Variants in B4GALT6 observed in about 807,000 individuals in gnomAD.
The protein encoded by B4GALT6 is UDP-Gal:beta-GlcNAc beta-1,4-galactosyltransferase 6.
Under a neutral mutation model 46.3 loss-of-function variants are expected in B4GALT6, and 14 were observed. The ratio of observed to expected loss-of-function variants is 0.30; its 90% CI spans 0.20 to 0.47. The LOEUF is 0.47. Ranked by LOEUF, B4GALT6 falls within the 20% of genes least tolerant of loss-of-function variation. The pLI, the probability that B4GALT6 is intolerant of heterozygous loss-of-function variation, is 0.99. For missense variants in B4GALT6, 386 were observed against 480.1 expected (o/e 0.80, Z 1.83); for synonymous variants, 168 against 162.0 (o/e 1.04, Z -0.28).
the B4GALT6 span, among the ~76,000 whole-genome samples, chr18:31,718,293 GC>G: frequency 2.0e-5 from 3 of 152,204 alleles, no homozygotes; most frequent in Admixed American, 6.5e-5. Context: ...CAGGGATGCT[GC>G]TGAACATCTT....
chr18:31,699,104 A>T, the B4GALT6 span, among the ~76,000 whole-genome samples: 1 of 151,870 alleles, frequency 6.6e-6, no homozygotes, highest in Non-Finnish European at 1.5e-5. Context: ...AGAAAGAAAG[A>T]AAAAGGAATT....
chr18:31,649,527 G>A (rs1201632959), intron 3 of B4GALT6, among the ~76,000 whole-genome samples: 44 of 106,576 alleles, frequency 4.1e-4, no homozygotes, highest in African/African-American at 1.4e-3. Context: ...AATCTATAAG[G>A]AATTTAAACA....
chr18:31,703,072 A>T, the B4GALT6 span, among the ~76,000 whole-genome samples: 4 of 152,166 alleles, frequency 2.6e-5, no homozygotes, highest in Non-Finnish European at 5.9e-5. Flanking sequence ...AATCTTTTGC[A>T]TGCATTATTC....
At chr18:31,626,916 G>T in intron 7 of B4GALT6, 83 bp downstream of exon 7, 1 of 1,183,682 alleles carries the variant, frequency 8.4e-7, no homozygotes, top group Non-Finnish European at 1.2e-6. Context: ...GAATGTTCTT[G>T]GAATGGATAA....
intron 1 of B4GALT6, 115 bp downstream of exon 1, chr18:31,684,197 G>A: frequency 4.7e-6 from 7 of 1,500,396 alleles, no homozygotes; most frequent in Non-Finnish European, 6.2e-6. Flanking sequence ...AAAACAAAAC[G>A]CTTTTCTGCG....
At chr18:31,715,902 A>G in the B4GALT6 span, among the ~76,000 whole-genome samples, 3 of 152,072 alleles carry the variant, frequency 2.0e-5, no homozygotes, top group East Asian at 5.8e-4. Flanking sequence ...ACATCAAGCT[A>G]CTCATGACTA....
chr18:31,640,492 T>C (rs1191472927), intron 4 of B4GALT6, among the ~76,000 whole-genome samples: 3 of 152,222 alleles, frequency 2.0e-5, no homozygotes, highest in Admixed American at 6.5e-5. Context: ...CCCATTCATT[T>C]TCCCTTAATG....
intron 6 of B4GALT6, among the ~76,000 whole-genome samples, chr18:31,629,163 A>T (rs887569034): frequency 6.6e-6 from 1 of 152,176 alleles, no homozygotes; most frequent in South Asian, 2.1e-4. Flanking sequence ...ATAACATACA[A>T]AATATGTGTT....
chr18:31,699,652 A>C, the B4GALT6 span, among the ~76,000 whole-genome samples: 23 of 151,378 alleles, frequency 1.5e-4, no homozygotes, highest in African/African-American at 4.4e-4. Flanking sequence ...AAAAAAAAAA[A>C]AAAAAACCTG....
chr18:31,710,652 T>G, the B4GALT6 span, among the ~76,000 whole-genome samples: 1 of 152,128 alleles, frequency 6.6e-6, no homozygotes, highest in Admixed American at 6.6e-5. Flanking sequence ...CACCTTGATT[T>G]TGGACTTCTG....
the B4GALT6 span, among the ~76,000 whole-genome samples, chr18:31,708,302 T>C: frequency 0.43 from 65,107 of 152,202 alleles, 17,021 homozygotes; most frequent in South Asian, 0.65. Flanking sequence ...CGGTGGCTCA[T>C]GCCTATAATC....
intron 3 of B4GALT6, among the ~76,000 whole-genome samples, chr18:31,648,430 G>A (rs2074019199): frequency 1.3e-5 from 2 of 152,218 alleles, no homozygotes; most frequent in Non-Finnish European, 2.9e-5. Context: ...AGTGTCTGAA[G>A]AGTGGAGGGG....
At chr18:31,668,582 T>C (rs958201876) in intron 1 of B4GALT6, among the ~76,000 whole-genome samples, 1 of 152,232 alleles carries the variant, frequency 6.6e-6, no homozygotes, top group Admixed American at 6.5e-5. Context: ...TTGTTCTTAA[T>C]GTTAGTTTCA....
At chr18:31,704,358 G>A in the B4GALT6 span, among the ~76,000 whole-genome samples, 14 of 151,706 alleles carry the variant, frequency 9.2e-5, no homozygotes, top group African/African-American at 3.1e-4. Flanking sequence ...ACAGAAATGC[G>A]CCACCATGCC....
upstream of B4GALT6, among the ~76,000 whole-genome samples, chr18:31,685,301 C>T (rs1169971991): frequency 8.8e-6 from 1 of 113,658 alleles, no homozygotes; most frequent in Non-Finnish European, 2.2e-5. Flanking sequence ...GCGACGCGCG[C>T]TGCGGGCAGA....
At chr18:31,705,612 C>T in the B4GALT6 span, among the ~76,000 whole-genome samples, 29 of 152,294 alleles carry the variant, frequency 1.9e-4, 1 homozygote, top group African/African-American at 5.8e-4. Context: ...TGTTCTCGAA[C>T]GCTGACCTCA....
At chr18:31,687,006 A>G (rs755951286), upstream of B4GALT6, among the ~76,000 whole-genome samples, 7 of 152,238 alleles carry the variant, frequency 4.6e-5, no homozygotes, top group African/African-American at 1.2e-4. Context: ...TGATTCATCT[A>G]TAAGAAATCT....
chr18:31,691,834 C>T, the B4GALT6 span, among the ~76,000 whole-genome samples: 1 of 152,096 alleles, frequency 6.6e-6, no homozygotes, highest in Admixed American at 6.5e-5. Context: ...CTCTCTTAAG[C>T]TAAAATCCAC....
At chr18:31,653,945 T>C (rs2074107892) in intron 3 of B4GALT6, among the ~76,000 whole-genome samples, 1 of 152,150 alleles carries the variant, frequency 6.6e-6, no homozygotes, top group Non-Finnish European at 1.5e-5. Context: ...AATAAACATA[T>C]GCATGACAGT....
Sources: gnomAD v4.1 joint callset for allele counts (sites outside exome capture counted in the v4.1 genomes callset) on GRCh38, gnomAD v4.1.1 for gene constraint, MANE v1.5 for transcripts, NCBI Gene and HGNC (gene_info 2026-07-23, HGNC 2026-07-21) for gene names.